Variants in GRM7 observed in about 807,000 individuals in gnomAD.
GRM7 encodes glutamate metabotropic receptor 7, also known as metabotropic glutamate receptor 7.
GRM7 carries 35 observed loss-of-function variants against 84.5 expected under a neutral mutation model. The ratio of observed to expected loss-of-function variants is 0.41; its 90% CI spans 0.32 to 0.55. The LOEUF is 0.55. GRM7 is among the 20% of genes least tolerant of loss of function. The pLI, the probability that GRM7 is intolerant of heterozygous loss-of-function variation, is 0.19. For missense variants in GRM7, 1,003 were observed against 1,194.6 expected, an observed-to-expected ratio of 0.84 and a Z score of 2.36; for synonymous variants, 487 against 455.1, an observed-to-expected ratio of 1.07 and a Z score of -0.89.
chr3:7,686,163 A>T (rs1700575130), intron 9 of GRM7, among the ~76,000 whole-genome samples: 1 of 152,196 alleles, frequency 6.6e-6, no homozygotes, highest in Admixed American at 6.5e-5. Context: ...AAGAGGCACC[A>T]GTACTCCCAT....
chr3:6,988,979 A>G (rs939026405), intron 1 of GRM7, among the ~76,000 whole-genome samples: 6 of 152,194 alleles, frequency 3.9e-5, no homozygotes, highest in Non-Finnish European at 1.5e-5. Flanking sequence ...CCTATTTTCT[A>G]TCACTTTTAA....
At chr3:7,338,115 TACACACACAC>T (rs141499269) in intron 4 of GRM7, among the ~76,000 whole-genome samples, 19 of 146,950 alleles carry the variant, frequency 1.3e-4, no homozygotes, top group African/African-American at 4.5e-4. Context: ...TATATTTATG[TACACACACAC>T]ACACACACAC....
intron 7 of GRM7, among the ~76,000 whole-genome samples, chr3:7,478,297 T>C (rs1699000911): frequency 6.6e-6 from 1 of 152,196 alleles, no homozygotes; most frequent in African/African-American, 2.4e-5. Flanking sequence ...GGTGGAAATC[T>C]TTCCCACTGA....
chr3:7,613,269 G>T (rs989201754), intron 8 of GRM7, among the ~76,000 whole-genome samples: 1 of 152,168 alleles, frequency 6.6e-6, no homozygotes, highest in Non-Finnish European at 1.5e-5. Flanking sequence ...ATCAATAAGA[G>T]ATTTCCCTCC....
At chr3:7,362,489 A>G (rs1372027871) in intron 4 of GRM7, among the ~76,000 whole-genome samples, 1 of 151,144 alleles carries the variant, frequency 6.6e-6, no homozygotes, top group Non-Finnish European at 1.5e-5. Context: ...CATTAGAAAA[A>G]TCTTTTTTTT....
intron 7 of GRM7, among the ~76,000 whole-genome samples, chr3:7,526,563 G>C (rs776064639): frequency 6.6e-6 from 1 of 151,680 alleles, no homozygotes; most frequent in African/African-American, 2.4e-5. Context: ...TTTTGTTTTT[G>C]TTTGCTTTTG....
chr3:7,649,497 ATAG>A (rs1698828134), intron 8 of GRM7, among the ~76,000 whole-genome samples: 1 of 152,276 alleles, frequency 6.6e-6, no homozygotes, highest in East Asian at 1.9e-4. Flanking sequence ...CTTCTTGTTG[ATAG>A]TGGTTATTTT....
rs924418263 is a variant in GRM7, at chr3:7,417,797, C to G, written c.1174+2634C>G. Among the ~76,000 whole-genome samples, 11 of 151,850 alleles carry G rather than the reference C, an allele frequency of 7.2e-5. 1 individual carries two copies. The highest frequency in any genetic ancestry group is 1.9e-4 in the African/African-American group (8 of 41,334). ...TTTTTTTTTCTTTTGGGCTGGGTAG[C>G]CTCCTTAGCCATACTAAACAATATT... On this transcript the variant is annotated intron_variant, in intron 5 of 9. Coordinates refer to ENST00000357716, the MANE Select transcript of GRM7 (RefSeq NM_000844.4).
chr3:7,281,671 C>T (rs1316261436), intron 2 of GRM7, among the ~76,000 whole-genome samples: 1 of 152,098 alleles, frequency 6.6e-6, no homozygotes, highest in Non-Finnish European at 1.5e-5. Flanking sequence ...CAAATGTTCC[C>T]TTTAAATTTT....
chr3:7,038,781 G>T (rs1430739504), intron 1 of GRM7, among the ~76,000 whole-genome samples: 4 of 152,136 alleles, frequency 2.6e-5, no homozygotes, highest in Non-Finnish European at 5.9e-5. Flanking sequence ...AGGCAGGTGA[G>T]ACTTAGAGGA....
intron 1 of GRM7, among the ~76,000 whole-genome samples, chr3:7,110,659 G>T (rs1424067056): frequency 8.1e-6 from 1 of 123,572 alleles, no homozygotes; most frequent in Non-Finnish European, 1.7e-5. Context: ...TGCCTTCCCA[G>T]TCTAAGTCCT....
chr3:7,048,038 G>C (rs748676399), intron 1 of GRM7, among the ~76,000 whole-genome samples: 1 of 151,914 alleles, frequency 6.6e-6, no homozygotes, highest in Non-Finnish European at 1.5e-5. Context: ...ATAATTCTTA[G>C]TCTCAGTTCA....
rs924413703 is a variant in GRM7 at position 7,306,726 on chromosome 3, T to C, written c.1033+74T>C. The C allele has an allele frequency of 6.0e-6, 8 of 1,331,080 alleles. No individual in the cohort carries two copies. In the African/African-American group the frequency reaches 1.2e-4, roughly 20 times the overall value. The allele number at this position is 1,331,080 out of a possible 1,614,324, so 82.5% of individuals were successfully genotyped here. A position where few individuals can be genotyped will look rare whatever the true frequency, so the allele number is the denominator to read the frequency against. Reference sequence around the variant, plus strand: ...TGCTGAATGGCCAAGCATGTGACTTTTTAGGGGTTTGGCATTTTTACCAAA... The same window carrying C: ...TGCTGAATGGCCAAGCATGTGACTTCTTAGGGGTTTGGCATTTTTACCAAA... On this transcript the variant is annotated intron_variant, in intron 4 of 9. Coordinates refer to ENST00000357716, the MANE Select transcript of GRM7 (RefSeq NM_000844.4).
At chr3:6,892,780 A>T (rs1696015766) in intron 1 of GRM7, 1 of 152,194 alleles carries the variant, frequency 6.6e-6, no homozygotes, top group Admixed American at 6.6e-5. Flanking sequence ...CAGGCATCCC[A>T]GGATGTGAAA....
Position 7,594,022 on chromosome 3 carries a change from A to G in GRM7, c.2451+14665A>G, listed in dbSNP as rs116233884. 4.2e-3 allele frequency among the ~76,000 whole-genome samples: 645 copies of G among 152,202 alleles called. 9 individuals are homozygous for G. Among genetic ancestry groups the G allele is most frequent in the South Asian group, 0.033 (157 of 4,826 alleles). ...TTCCTAGCTTTGGGGAACTCATTTT[A>G]TCAAATCAATTATGTAGGCAAGGGT... is the stretch of plus-strand genomic sequence containing the variant. On this transcript the variant is annotated intron_variant, in intron 8 of 9. Coordinates refer to ENST00000357716, the MANE Select transcript of GRM7 (RefSeq NM_000844.4).
rs1342539561 is a variant in GRM7 at position 6,988,372 on chromosome 3, G to T, written c.519+126465G>T. On this transcript the variant is annotated intron_variant, in intron 1 of 9. Transcript: ENST00000357716. ...TGGGACTTCACAGCTCATCTGTTGG[G>T]TGGCTCTCAGGAGTTCCAGCAGATA... Among the ~76,000 whole-genome samples the T allele has an allele frequency of 3.3e-5, 5 of 151,852 alleles. No homozygotes were observed. The South Asian group carries it at 6.3e-4, about 19-fold the overall frequency.
chr3:7,059,457 G>C (rs1697352644), intron 1 of GRM7, among the ~76,000 whole-genome samples: 1 of 151,652 alleles, frequency 6.6e-6, no homozygotes, highest in Non-Finnish European at 1.5e-5. Flanking sequence ...AAAAACAAAA[G>C]GGTATCTAAA....
chr3:7,635,804 T>A (rs1698069072), intron 8 of GRM7, among the ~76,000 whole-genome samples: 1 of 151,948 alleles, frequency 6.6e-6, no homozygotes, highest in Non-Finnish European at 1.5e-5. Flanking sequence ...TTCCTGAGTA[T>A]CTGGGACTAC....
chr3:7,140,096 A>G (rs1163884723), intron 1 of GRM7, among the ~76,000 whole-genome samples: 1 of 152,038 alleles, frequency 6.6e-6, no homozygotes, highest in Non-Finnish European at 1.5e-5. Flanking sequence ...CAAGACCACA[A>G]TGTGATATTG....
Sources: gnomAD v4.1 joint callset for allele counts (sites outside exome capture counted in the v4.1 genomes callset) on GRCh38, gnomAD v4.1.1 for gene constraint, MANE v1.5 for transcripts, NCBI Gene and HGNC (gene_info 2026-07-23, HGNC 2026-07-21) for gene names.